The following PDHX variants were observed in gnomAD, a reference collection of about 807,000 sequenced individuals.
PDHX encodes pyruvate dehydrogenase complex component X.
PDHX carries 33 observed loss-of-function variants against 55.3 expected under a neutral mutation model. That is an observed-to-expected ratio of 0.60 (90% confidence interval 0.45 to 0.80). PDHX has a LOEUF of 0.80. PDHX is among the 30% of genes least tolerant of loss of function. The probability of loss-of-function intolerance (pLI) is 0.00; values close to 1 mark genes in which losing one functional copy is unlikely to be tolerated. For synonymous variants in PDHX, 226 were observed against 219.4 expected (o/e 1.03, Z -0.27); for missense variants, 622 against 619.9 (o/e 1.00, Z -0.04).
rs10768108 is a variant in PDHX at position 34,978,198 on chromosome 11, C to G, written c.1023+16C>G. The G allele has an allele frequency of 0.62, 881,113 of 1,420,608 alleles. 283,401 individuals carry two copies. Among genetic ancestry groups the G allele is most frequent in the East Asian group, 0.73 (31,791 of 43,746 alleles). 88.0% of individuals were successfully genotyped at this position (1,420,608 alleles called of 1,614,324 possible). ...TACCCTTAAAGTAAGTAGCAGACTT[C>G]AAATGATTTTGTCTTCTTAAGTAGT... On this transcript the variant is annotated intron_variant, in intron 8 of 10. Transcript: ENST00000227868.
intron 7 of PDHX, among the ~76,000 whole-genome samples, chr11:34,972,266 C>T (rs550286791): frequency 2.7e-5 from 4 of 150,810 alleles, no homozygotes; most frequent in Non-Finnish European, 4.4e-5. Flanking sequence ...GTTTACTTTG[C>T]TCTTTTATTT....
intron 2 of PDHX, among the ~76,000 whole-genome samples, chr11:34,943,500 G>A (rs112781080): frequency 0.023 from 3,544 of 152,246 alleles, 67 homozygotes; most frequent in Middle Eastern, 0.041. Flanking sequence ...AGTTTTTCCC[G>A]TGATTATAGC....
In PDHX at chr11:34,957,419, A is replaced by G. The variant is rs758731703; in HGVS notation, c.378A>G (p.Ser126=). 6 of 1,612,672 alleles carry G rather than the reference A, an allele frequency of 3.7e-6. No homozygotes were observed. The East Asian group carries it at 8.9e-5, about 24-fold the overall frequency. ...GAAGTAAAAATATACGGCTAGGTTC[A>G]CTAATTGGTTTGATAGTAGAAGAAG... is the stretch of plus-strand genomic sequence containing the variant. The part of the protein sequence containing the change: ...EEGSKNIRLG[S]LIGLIVEEGE... The change falls in exon 4 of 11, where the codon TCA becomes TCG. Residue 126 remains serine, a synonymous_variant. Transcript: ENST00000227868.
intron 9 of PDHX, among the ~76,000 whole-genome samples, chr11:34,987,259 G>A (rs957048546): frequency 6.6e-6 from 1 of 152,174 alleles, no homozygotes. Context: ...TCCTCAAGTA[G>A]TACTTTCTTG....
intron 8 of PDHX, among the ~76,000 whole-genome samples, chr11:34,984,191 A>G (rs751386091): frequency 6.6e-6 from 1 of 152,202 alleles, no homozygotes; most frequent in Admixed American, 6.5e-5. Flanking sequence ...ATCTAATATT[A>G]TTACCTGTTT....
rs1008834894 is a variant in PDHX, at chr11:34,951,205, C to T, written c.342+3599C>T. ...CCGAGTAGCTGGGACTACAGGCGCC[C>T]GCCATCACGCCCGGCTAATTTTTCT... On this transcript the variant is annotated intron_variant, in intron 3 of 10. Transcript: ENST00000227868. Among the ~76,000 whole-genome samples, 206 of 151,856 alleles carry T rather than the reference C, an allele frequency of 1.4e-3. 2 individuals carry two copies. The highest frequency in any genetic ancestry group is 4.7e-3 in the African/African-American group (193 of 41,414).
At chr11:34,920,394 A>T (rs1294822633) in intron 1 of PDHX, among the ~76,000 whole-genome samples, 1 of 152,212 alleles carries the variant, frequency 6.6e-6, no homozygotes, top group Admixed American at 6.5e-5. Context: ...CATATTATAG[A>T]TGTTCAATAA....
At chr11:34,951,393 T>G (rs1854765831) in intron 3 of PDHX, among the ~76,000 whole-genome samples, 1 of 152,160 alleles carries the variant, frequency 6.6e-6, no homozygotes, top group Non-Finnish European at 1.5e-5. Flanking sequence ...CCATTCTAAC[T>G]GGTGTGAGAT....
rs972150396 is a variant in PDHX at position 34,962,467 on chromosome 11, T to G, written c.641+1949T>G. Among the ~76,000 whole-genome samples, 6 of 152,206 alleles carry G rather than the reference T, an allele frequency of 3.9e-5. 1 individual carries two copies. Among genetic ancestry groups the G allele is most frequent in the Non-Finnish European group, 8.8e-5 (6 of 68,038 alleles). On this transcript the variant is annotated intron_variant, in intron 5 of 10. Coordinates refer to ENST00000227868, the MANE Select transcript of PDHX (RefSeq NM_003477.3). Reference sequence around the variant, plus strand: ...AGAAATAATGGATTTGGGAAGCATTTGTTTTGGTGGAGTTAGTAATGTTTG... The same window carrying G: ...AGAAATAATGGATTTGGGAAGCATTGGTTTTGGTGGAGTTAGTAATGTTTG...
rs3831063 is a variant in PDHX, at chr11:34,957,729, GT to G, written c.542+157del. ...AGCACACTCAGACCTTAGAGTGTGT[GT>G]TTTTTTTTTTAACCATCATTGTTCA... is the stretch of plus-strand genomic sequence containing the variant. On this transcript the variant is annotated intron_variant, in intron 4 of 10. Coordinates refer to ENST00000227868, the MANE Select transcript of PDHX (RefSeq NM_003477.3). 358,622 of 528,782 alleles carry G rather than the reference GT, an allele frequency of 0.68. 111,453 individuals carry two copies. The highest frequency in any genetic ancestry group is 0.7 in the African/African-American group (36,035 of 51,172). 32.8% of individuals were successfully genotyped at this position (528,782 alleles called of 1,614,324 possible). A position where few individuals can be genotyped will look rare whatever the true frequency, so the allele number is the denominator to read the frequency against.
intron 1 of PDHX, among the ~76,000 whole-genome samples, chr11:34,928,419 C>T (rs527502077): frequency 1.9e-4 from 29 of 149,658 alleles, no homozygotes; most frequent in African/African-American, 6.6e-4. Flanking sequence ...GGCCTCTTAC[C>T]GTGGTGCTAT....
chr11:34,962,997 T>G (rs1426894092), intron 5 of PDHX, among the ~76,000 whole-genome samples: 4 of 152,182 alleles, frequency 2.6e-5, no homozygotes, highest in Non-Finnish European at 5.9e-5. Flanking sequence ...CTGCCTTTAT[T>G]CCTTAACTCT....
chr11:34,989,323 G>A (rs981796120), intron 9 of PDHX, among the ~76,000 whole-genome samples: 11 of 152,304 alleles, frequency 7.2e-5, no homozygotes, highest in South Asian at 2.1e-4. Context: ...GGCACCTACT[G>A]TGGGTCTTTG....
chr11:34,925,772 A>T (rs1854003973), intron 1 of PDHX, among the ~76,000 whole-genome samples: 1 of 152,216 alleles, frequency 6.6e-6, no homozygotes, highest in Non-Finnish European at 1.5e-5. Flanking sequence ...TGAAAATCTG[A>T]CATCCAAAGC....
chr11:34,943,786 C>T (rs1218690006), intron 2 of PDHX, among the ~76,000 whole-genome samples: 1 of 152,160 alleles, frequency 6.6e-6, no homozygotes, highest in Non-Finnish European at 1.5e-5. Flanking sequence ...TGCCTGTTTA[C>T]AGATTGTCTC....
At chr11:34,971,258 A>G (rs557361812) in intron 7 of PDHX, among the ~76,000 whole-genome samples, 7 of 152,212 alleles carry the variant, frequency 4.6e-5, no homozygotes, top group African/African-American at 1.7e-4. Context: ...GCATGAACTG[A>G]TAGTTTTATT....
At position 34,930,141 on chromosome 11, in the gene PDHX, G is replaced by T. The variant is rs1238913064; in HGVS notation, c.161-1263G>T. Among the ~76,000 whole-genome samples, 4 of 152,230 alleles carry T rather than the reference G, an allele frequency of 2.6e-5. 1 individual carries two copies. Among genetic ancestry groups the T allele is most frequent in the Admixed American group, 2.6e-4 (4 of 15,294 alleles). On this transcript the variant is annotated intron_variant, in intron 1 of 10. Transcript: ENST00000227868. The stretch of plus-strand genomic sequence containing the variant: ...AGGCAGCGCCGTGTGTGTCTAGCAC[G>T]TGGATGGAGGAGCTGATAGGAAACT...
chr11:34,943,695 A>G (rs542198476), intron 2 of PDHX, among the ~76,000 whole-genome samples: 1 of 152,278 alleles, frequency 6.6e-6, no homozygotes, highest in African/African-American at 2.4e-5. Context: ...CTTCTCTCGC[A>G]TACTATTTGC....
chr11:34,932,932 G>A (rs1409717), intron 2 of PDHX, among the ~76,000 whole-genome samples: 120,206 of 152,080 alleles, frequency 0.79, 47,664 homozygotes, highest in East Asian at 0.83. Flanking sequence ...ACTGCTATGG[G>A]GTGATCTTCA....
Sources: gnomAD v4.1 joint callset for allele counts (sites outside exome capture counted in the v4.1 genomes callset) on GRCh38, gnomAD v4.1.1 for gene constraint, MANE v1.5 for transcripts, NCBI Gene and HGNC (gene_info 2026-07-23, HGNC 2026-07-21) for gene names.